Variants in IL1RAP observed in about 807,000 individuals in gnomAD.
IL1RAP encodes interleukin-1 receptor accessory protein.
In IL1RAP, 35 loss-of-function variants were observed where a neutral mutation model predicts 60.7. The observed-to-expected ratio is 0.58, with a 90% CI of 0.44 to 0.76. The LOEUF is 0.76. Ranked by LOEUF, IL1RAP falls within the 30% of genes least tolerant of loss-of-function variation. The pLI, the probability that IL1RAP is intolerant of heterozygous loss-of-function variation, is 0.00. For missense variants in IL1RAP, 572 were observed against 693.9 expected (o/e 0.82, Z 1.97); for synonymous variants, 268 against 250.9 (o/e 1.07, Z -0.64).
At chr3:190,615,366 CT>C in intron 5 of IL1RAP, 1 of 1,144,100 alleles carries the variant, frequency 8.7e-7, no homozygotes, top group Non-Finnish European at 1.1e-6. Context: ...TAATGCAGTC[CT>C]TTTGTTGTTG....
rs557160673 is a variant in IL1RAP at position 190,567,455 on chromosome 3, G to A, written c.64+3102G>A. On this transcript the variant is annotated intron_variant, in intron 3 of 11. Transcript: ENST00000447382. The stretch of plus-strand genomic sequence containing the variant: ...AAACCATGGGGTAGTCAGAGCTGTT[G>A]TAACTACCTTTGTTGGGTAAGACAA... Among the ~76,000 whole-genome samples the A allele has an allele frequency of 1.1e-4, 17 of 152,312 alleles. No individual in the cohort carries two copies. The South Asian group carries it at 3.5e-3, about 32-fold the overall frequency.
chr3:190,597,344 A>G (rs1021120590), intron 3 of IL1RAP, among the ~76,000 whole-genome samples: 1 of 152,200 alleles, frequency 6.6e-6, no homozygotes, highest in Non-Finnish European at 1.5e-5. Context: ...TAATCAAGAT[A>G]GGCAGTACTA....
intron 1 of IL1RAP, among the ~76,000 whole-genome samples, chr3:190,532,571 G>A (rs146079775): frequency 2.6e-5 from 4 of 152,244 alleles, no homozygotes; most frequent in Non-Finnish European, 5.9e-5. Flanking sequence ...GTGCTTTACT[G>A]ACCCTGTCCA....
chr3:190,650,468 A>G lies in IL1RAP; in HGVS notation c.*1763A>G, dbSNP rs1015006020. 1.0e-6 allele frequency: 1 copy of G among 983,002 alleles called. No homozygotes were observed. The highest frequency in any genetic ancestry group is 1.7e-5 in the African/African-American group (1 of 57,320). The allele number at this position is 983,002 out of a possible 1,614,324, so 60.9% of individuals were successfully genotyped here. On this transcript the variant is annotated 3_prime_UTR_variant, in exon 12 of 12. Transcript: ENST00000447382. Reference sequence around the variant, plus strand: ...GCTCAACTATTTGAACTGTTGAGTGATAAAGGAAACAAATATAACTGTAAA... The same window carrying G: ...GCTCAACTATTTGAACTGTTGAGTGGTAAAGGAAACAAATATAACTGTAAA...
intron 1 of IL1RAP, among the ~76,000 whole-genome samples, chr3:190,554,148 T>C (rs1725184238): frequency 6.6e-6 from 1 of 150,864 alleles, no homozygotes; most frequent in Admixed American, 6.6e-5. Flanking sequence ...TCAAACCCCA[T>C]GTTCTGGGCA....
chr3:190,553,934 G>A (rs890723994), intron 1 of IL1RAP, among the ~76,000 whole-genome samples: 8 of 150,642 alleles, frequency 5.3e-5, no homozygotes, highest in African/African-American at 9.7e-5. Flanking sequence ...AGTGGCGGGC[G>A]CCTGTAGTCC....
chr3:190,606,576 C>G lies in IL1RAP; in HGVS notation c.350+2163C>G, dbSNP rs549143873. Among the ~76,000 whole-genome samples, 13 of 152,324 alleles carry G rather than the reference C, an allele frequency of 8.5e-5. No individual in the cohort carries two copies. In the South Asian group the frequency reaches 2.7e-3, roughly 32 times the overall value. On this transcript the variant is annotated intron_variant, in intron 4 of 11. Transcript: ENST00000447382. ...TTACTACTTGCCTGTAGATCTTCCA[C>G]AAACTTTTCTAATCTTCTTTTACAT...
chr3:190,649,952 G>C lies in IL1RAP; in HGVS notation c.*1247G>C. On this transcript the variant is annotated 3_prime_UTR_variant, in exon 12 of 12. Transcript: ENST00000447382. ...GTAGATTATACATATATATACACAC[G>C]TGTATATGAGATATATATCTTATAT... The C allele has an allele frequency of 1.3e-6, 1 of 769,620 alleles. No individual in the cohort carries two copies. Among genetic ancestry groups the C allele is most frequent in the Non-Finnish European group, 1.6e-6 (1 of 633,514 alleles). 47.7% of individuals were successfully genotyped at this position (769,620 alleles called of 1,614,324 possible). A position where few individuals can be genotyped will look rare whatever the true frequency, so the allele number is the denominator to read the frequency against.
At chr3:190,635,800 A>G (rs1033638172) in intron 9 of IL1RAP, among the ~76,000 whole-genome samples, 1 of 152,214 alleles carries the variant, frequency 6.6e-6, no homozygotes, top group East Asian at 1.9e-4. Context: ...GTCTGGGAGC[A>G]GGTATCTCCA....
intron 7 of IL1RAP, among the ~76,000 whole-genome samples, chr3:190,626,714 A>G (rs536200719): frequency 2.2e-4 from 27 of 122,542 alleles, no homozygotes; most frequent in Non-Finnish European, 3.9e-4. Flanking sequence ...TCTGTTGCCC[A>G]GGCTGGAGTG....
At chr3:190,527,600 A>T (rs1468762518) in intron 1 of IL1RAP, among the ~76,000 whole-genome samples, 1 of 152,090 alleles carries the variant, frequency 6.6e-6, no homozygotes, top group Non-Finnish European at 1.5e-5. Flanking sequence ...GACCTGGAAG[A>T]AGCTGGTACC....
downstream of IL1RAP, chr3:190,656,134 C>T (rs1403399836): frequency 1.3e-6 from 2 of 1,537,346 alleles, no homozygotes; most frequent in South Asian, 1.2e-5. Context: ...AAAGTCCAAA[C>T]ATTCTGGCTC....
rs1263370574 is a variant in IL1RAP at position 190,634,711 on chromosome 3, T to TTTTTTTG, written c.1051+5219_1051+5220insGTTTTTT. 2.1e-3 allele frequency among the ~76,000 whole-genome samples: 304 copies of TTTTTTTG among 141,788 alleles called. 9 individuals are homozygous for TTTTTTTG. The highest frequency in any genetic ancestry group is 8.1e-3 in the African/African-American group (278 of 34,366). The allele number at this position is 141,788 out of a possible 152,430, so 93.0% of individuals were successfully genotyped here. On this transcript the variant is annotated intron_variant, in intron 9 of 11. Coordinates refer to ENST00000447382, the MANE Select transcript of IL1RAP (RefSeq NM_002182.4). Reference sequence around the variant, plus strand: ...ATAACTATCTGGGCCTGTTGTGTTTTTTTTTTTGTTGTTGTTTTTTTTGAG... The same window carrying TTTTTTTG: ...ATAACTATCTGGGCCTGTTGTGTTTTTTTTTTGTTTTTTTGTTGTTGTTTTTTTTGAG...
At chr3:190,594,941 G>T (rs1729255430) in intron 3 of IL1RAP, among the ~76,000 whole-genome samples, 1 of 152,132 alleles carries the variant, frequency 6.6e-6, no homozygotes, top group Non-Finnish European at 1.5e-5. Flanking sequence ...GTTCAAAATG[G>T]TTGAGGGACT....
chr3:190,658,159 A>C (rs981932868), exon 12 of IL1RAP: 1 of 152,106 alleles, frequency 6.6e-6, no homozygotes, highest in African/African-American at 2.4e-5. Context: ...TAAAGAATCT[A>C]AAAAATTCAG....
At chr3:190,521,872 G>A (rs947375355) in intron 1 of IL1RAP, among the ~76,000 whole-genome samples, 3 of 152,002 alleles carry the variant, frequency 2.0e-5, no homozygotes, top group Non-Finnish European at 4.4e-5. Context: ...AGCAAGTTCT[G>A]TATCACCGTT....
At chr3:190,551,487 G>A (rs1255944269) in intron 1 of IL1RAP, among the ~76,000 whole-genome samples, 2 of 152,146 alleles carry the variant, frequency 1.3e-5, no homozygotes, top group African/African-American at 2.4e-5. Flanking sequence ...ATTATTAAAG[G>A]CTGTAAATAG....
At chr3:190,659,293 T>C (rs1457639370) in exon 12 of IL1RAP, 1 of 152,216 alleles carries the variant, frequency 6.6e-6, no homozygotes, top group Non-Finnish European at 1.5e-5. Context: ...AAAATTTTGG[T>C]GCTCTCAAAA....
At chr3:190,545,106 C>G (rs1239871526) in intron 1 of IL1RAP, among the ~76,000 whole-genome samples, 1 of 152,140 alleles carries the variant, frequency 6.6e-6, no homozygotes, top group Non-Finnish European at 1.5e-5. Flanking sequence ...CCTGGAGATC[C>G]TTTCAAACCC....
Sources: allele counts gnomAD v4.1 joint callset (sites outside exome capture counted in the v4.1 genomes callset), GRCh38; gene constraint gnomAD v4.1.1; transcripts MANE v1.5; gene names NCBI Gene and HGNC (gene_info 2026-07-23, HGNC 2026-07-21).